TSHR: variants seen among roughly 807,000 people sequenced by gnomAD.
TSHR encodes thyroid stimulating hormone receptor, also known as thyrotropin receptor.
A neutral mutation model predicts 64.1 loss-of-function variants in TSHR; 51 were observed. The ratio of observed to expected loss-of-function variants is 0.80; its 90% CI spans 0.64 to 1.01. The LOEUF (loss-of-function observed/expected upper bound fraction) is 1.01. Ranked by LOEUF, TSHR falls within the 50% of genes least tolerant of loss-of-function variation. The probability of loss-of-function intolerance (pLI) is 0.00; values close to 1 mark genes in which losing one functional copy is unlikely to be tolerated. For missense variants in TSHR, 877 were observed against 942.8 expected (o/e 0.93, Z 0.91); for synonymous variants, 361 against 361.9 (o/e 1.00, Z 0.03).
At chr14:81,005,217 G>A (rs1594942298) in intron 1 of TSHR, among the ~76,000 whole-genome samples, 1 of 113,148 alleles carries the variant, frequency 8.8e-6, no homozygotes, top group Non-Finnish European at 1.8e-5. Flanking sequence ...GTGTGTGTGT[G>A]TGTGTGTGTG....
chr14:80,998,154 AT>A (rs1291971754), intron 1 of TSHR, among the ~76,000 whole-genome samples: 1 of 152,202 alleles, frequency 6.6e-6, no homozygotes, highest in Admixed American at 6.5e-5. Flanking sequence ...GACAAAAAAA[AT>A]TTCTTTCTGA....
intron 7 of TSHR, among the ~76,000 whole-genome samples, chr14:81,107,922 T>C (rs1482529477): frequency 6.6e-6 from 1 of 152,230 alleles, no homozygotes; most frequent in Non-Finnish European, 1.5e-5. Context: ...TCTGAATCTC[T>C]GACAGTCCTC....
At chr14:81,040,580 T>C (rs1884870532) in intron 1 of TSHR, among the ~76,000 whole-genome samples, 1 of 151,974 alleles carries the variant, frequency 6.6e-6, no homozygotes, top group East Asian at 1.9e-4. Context: ...AGGGTTAATA[T>C]ACAGAATACA....
intron 1 of TSHR, among the ~76,000 whole-genome samples, chr14:81,040,408 AT>A (rs575048279): frequency 1.3e-5 from 2 of 152,104 alleles, no homozygotes; most frequent in Non-Finnish European, 2.9e-5. Context: ...CTAGGCAAAG[AT>A]TTTTTTGATA....
intron 1 of TSHR, among the ~76,000 whole-genome samples, chr14:80,963,310 C>T (rs1162363986): frequency 1.3e-5 from 2 of 152,174 alleles, no homozygotes; most frequent in African/African-American, 4.8e-5. Flanking sequence ...CTAATGAACT[C>T]CAGGTTCTTT....
At chr14:81,041,433 C>T (rs1884917933) in intron 1 of TSHR, among the ~76,000 whole-genome samples, 1 of 152,120 alleles carries the variant, frequency 6.6e-6, no homozygotes, top group African/African-American at 2.4e-5. Context: ...AAACCAAATA[C>T]AGCATGTCCT....
At chr14:81,065,362 C>T (rs1359807766) in intron 2 of TSHR, among the ~76,000 whole-genome samples, 1 of 152,070 alleles carries the variant, frequency 6.6e-6, no homozygotes, top group Admixed American at 6.6e-5. Context: ...AAGGCATTCT[C>T]GTGTTAAAGT....
At chr14:81,058,824 G>A (rs757350142) in intron 1 of TSHR, among the ~76,000 whole-genome samples, 1 of 152,014 alleles carries the variant, frequency 6.6e-6, no homozygotes, top group African/African-American at 2.4e-5. Context: ...ACATTCACTT[G>A]GTGTTTTTTC....
chr14:81,132,505 A>G (rs1054738378), intron 8 of TSHR, among the ~76,000 whole-genome samples: 1 of 152,158 alleles, frequency 6.6e-6, no homozygotes, highest in African/African-American at 2.4e-5. Context: ...ATCTCATGAT[A>G]TTCTTCTCTG....
chr14:80,970,577 CTGTAGTGT>C (rs1887540636), intron 1 of TSHR, among the ~76,000 whole-genome samples: 1 of 152,208 alleles, frequency 6.6e-6, no homozygotes, highest in Admixed American at 6.5e-5. Flanking sequence ...GGATGGATAT[CTGTAGTGT>C]TGTAAGACCT....
chr14:80,983,367 T>G, intron 1 of TSHR: 1 of 1,108,766 alleles, frequency 9.0e-7, no homozygotes, highest in Non-Finnish European at 1.3e-6. Context: ...CTTGAGAAAG[T>G]ACAAAACCAG....
chr14:81,065,616 C>A (rs368806055), intron 2 of TSHR, among the ~76,000 whole-genome samples: 7 of 152,214 alleles, frequency 4.6e-5, no homozygotes, highest in African/African-American at 1.4e-4. Flanking sequence ...TGAACCCTAT[C>A]AAGCATTTAA....
chr14:81,114,670 A>G (rs1263067506), intron 8 of TSHR, among the ~76,000 whole-genome samples: 2 of 152,190 alleles, frequency 1.3e-5, no homozygotes, highest in Admixed American at 6.5e-5. Context: ...AACTGGGTGG[A>G]GCCCACCACA....
In TSHR at chr14:81,144,441, A is replaced by G. The variant is rs1595180389; in HGVS notation, c.*88A>G. 2 of 1,307,582 alleles carry G rather than the reference A, an allele frequency of 1.5e-6. No homozygotes were observed. The highest frequency in any genetic ancestry group is 4.8e-5 in the East Asian group (2 of 41,968). 81.0% of individuals were successfully genotyped at this position (1,307,582 alleles called of 1,614,324 possible). On this transcript the variant is annotated 3_prime_UTR_variant, in exon 10 of 10. Transcript: ENST00000298171. ...ATTCCAATCCCATGACACCCCCAAC[A>G]CATAGCTGCCCTCACTCTTGTGCAG...
At chr14:81,067,155 T>C (rs1239322627) in intron 2 of TSHR, among the ~76,000 whole-genome samples, 2 of 152,196 alleles carry the variant, frequency 1.3e-5, no homozygotes, top group African/African-American at 2.4e-5. Context: ...AATGTTCCAC[T>C]AGAGAATTGC....
chr14:81,021,120 A>G (rs1883723032), intron 1 of TSHR, among the ~76,000 whole-genome samples: 1 of 152,144 alleles, frequency 6.6e-6, no homozygotes, highest in Non-Finnish European at 1.5e-5. Context: ...TAACATGCAC[A>G]ATACATGTAA....
At chr14:80,979,118 C>T (rs775718231) in intron 1 of TSHR, among the ~76,000 whole-genome samples, 22 of 152,204 alleles carry the variant, frequency 1.4e-4, no homozygotes, top group South Asian at 6.2e-4. Flanking sequence ...ATCGGTTACC[C>T]GGATGCTCAA....
intron 1 of TSHR, chr14:80,983,019 G>A (rs3783948): frequency 0.36 from 192,150 of 529,478 alleles, 37,376 homozygotes; most frequent in Non-Finnish European, 0.4. Context: ...AAAGAGCACA[G>A]ATTGCAATGG....
chr14:81,016,845 G>C (rs966433456), intron 1 of TSHR, among the ~76,000 whole-genome samples: 4 of 152,062 alleles, frequency 2.6e-5, no homozygotes, highest in African/African-American at 9.7e-5. Flanking sequence ...TTTTTGGTAT[G>C]TGGATATACA....
Sources: allele counts gnomAD v4.1 joint callset (sites outside exome capture counted in the v4.1 genomes callset), GRCh38; gene constraint gnomAD v4.1.1; transcripts MANE v1.5; gene names NCBI Gene and HGNC (gene_info 2026-07-23, HGNC 2026-07-21).